The following ATAD2B variants were observed in gnomAD, a reference collection of about 807,000 sequenced individuals.
ATAD2B encodes ATPase family AAA domain-containing protein 2B.
Under a neutral mutation model 167.6 loss-of-function variants are expected in ATAD2B, and 40 were observed. The observed-to-expected ratio is 0.24, with a 90% CI of 0.19 to 0.31. The LOEUF (loss-of-function observed/expected upper bound fraction) is 0.31, where lower values mean the gene tolerates loss of function less well. Among genes scored for constraint, ATAD2B ranks in the 10% least tolerant of loss-of-function variants. The probability of loss-of-function intolerance (pLI) is 1.00; values close to 1 mark genes in which losing one functional copy is unlikely to be tolerated. For synonymous variants in ATAD2B, 579 were observed against 596.5 expected (o/e 0.97, Z 0.43); for missense variants, 1,242 against 1,757.2 (o/e 0.71, Z 5.24).
At chr2:23,733,825 T>C in the ATAD2B span, among the ~76,000 whole-genome samples, 6 of 152,214 alleles carry the variant, frequency 3.9e-5, no homozygotes, top group Admixed American at 3.3e-4. Context: ...TCCCGGCCTA[T>C]AGCATCTCTC....
intron 22 of ATAD2B, among the ~76,000 whole-genome samples, chr2:23,773,465 T>G (rs1678647917): frequency 6.6e-6 from 1 of 152,074 alleles, no homozygotes; most frequent in Non-Finnish European, 1.5e-5. Context: ...ATGGCTACAG[T>G]AAGCCATGAT....
At chr2:23,877,996 G>GA (rs111378669) in intron 7 of ATAD2B, among the ~76,000 whole-genome samples, 7,335 of 79,638 alleles carry the variant, frequency 0.092, 357 homozygotes, top group African/African-American at 0.14. Flanking sequence ...CTCCAGCCTG[G>GA]ATGACCCTAT....
At chr2:23,909,914 G>A (rs958788453) in intron 1 of ATAD2B, among the ~76,000 whole-genome samples, 1 of 151,700 alleles carries the variant, frequency 6.6e-6, no homozygotes. Flanking sequence ...CCAGGCTGGA[G>A]TGCAGTGGTA....
At chr2:23,736,703 G>C in the ATAD2B span, among the ~76,000 whole-genome samples, 1 of 152,192 alleles carries the variant, frequency 6.6e-6, no homozygotes, top group Non-Finnish European at 1.5e-5. Context: ...GTGCAAGACA[G>C]TGGGTGCAGC....
chr2:23,810,418 A>G lies in ATAD2B; in HGVS notation c.2352T>C (p.Ala784=), dbSNP rs1366015377. The G allele has an allele frequency of 1.2e-4, 196 of 1,613,958 alleles. No individual in the cohort carries two copies. Among genetic ancestry groups the G allele is most frequent in the Non-Finnish European group, 1.6e-4 (194 of 1,179,858 alleles). The change falls in exon 18 of 28, where the codon GCT becomes GCC. Residue 784 remains alanine (A), a synonymous_variant. Coordinates refer to ENST00000238789, the MANE Select transcript of ATAD2B (RefSeq NM_017552.4). ...ERGSGQTSHL[A]PALLHTLERF... ...TTTCTAGAGTGTGCAAAAGTGCTGGAGCAAGGTGAGAAGTTTGACCTGAGC... is the reference window on the plus strand; with the variant it reads ...TTTCTAGAGTGTGCAAAAGTGCTGGGGCAAGGTGAGAAGTTTGACCTGAGC...
chr2:23,801,900 GA>G (rs1683564740), intron 18 of ATAD2B, among the ~76,000 whole-genome samples: 3 of 151,988 alleles, frequency 2.0e-5, no homozygotes, highest in Non-Finnish European at 2.9e-5. Context: ...TTTTAGCCAT[GA>G]AATTAAAATG....
intron 11 of ATAD2B, 89 bp downstream of exon 11, chr2:23,864,720 T>C (rs1694895450): frequency 1.7e-6 from 1 of 589,596 alleles, no homozygotes; most frequent in Non-Finnish European, 2.8e-6. Context: ...TAAATATATA[T>C]CAAATATTTA....
intron 16 of ATAD2B, among the ~76,000 whole-genome samples, chr2:23,822,917 C>CA (rs33911389): frequency 0.48 from 32,125 of 66,482 alleles, 8,964 homozygotes; most frequent in East Asian, 0.79. Context: ...AACTCCATCT[C>CA]AAAAAAAAAA....
chr2:23,721,240 C>A, the ATAD2B span, among the ~76,000 whole-genome samples: 1 of 152,192 alleles, frequency 6.6e-6, no homozygotes, highest in African/African-American at 2.4e-5. Context: ...CCTCAGGTGC[C>A]CCACCCCATG....
chr2:23,744,151 T>G (rs998789200), downstream of ATAD2B, among the ~76,000 whole-genome samples: 2 of 152,216 alleles, frequency 1.3e-5, no homozygotes, highest in African/African-American at 4.8e-5. Context: ...CAGATATTAC[T>G]ATATTTTAAA....
intron 13 of ATAD2B, among the ~76,000 whole-genome samples, chr2:23,843,903 T>C (rs955507151): frequency 6.6e-6 from 1 of 152,088 alleles, no homozygotes; most frequent in Non-Finnish European, 1.5e-5. Context: ...AGTCCTACAC[T>C]CAGGGCTACT....
At position 23,757,449 on chromosome 2, in the gene ATAD2B, C is replaced by T; in HGVS notation, c.4047G>A (p.Val1349=). ...NNEKLEPGSD[V]EVKDAELDKE... is the part of the protein sequence containing the mutation. ...TATCCAGTTCTGCATCTTTAACCTC[C>T]ACATCAGAGCCAGGTTCTAACTTCT... The change falls in exon 25 of 28, where the codon GTG becomes GTA. Residue 1349 remains valine, a synonymous_variant. Transcript: ENST00000238789. 1 of 1,511,826 alleles carries T rather than the reference C, an allele frequency of 6.6e-7. No individual in the cohort carries two copies. The highest frequency in any genetic ancestry group is 8.8e-7 in the Non-Finnish European group (1 of 1,135,312). The allele number at this position is 1,511,826 out of a possible 1,614,324, so 93.7% of individuals were successfully genotyped here. A position where few individuals can be genotyped will look rare whatever the true frequency, so the allele number is the denominator to read the frequency against.
At chr2:23,788,276 G>A (rs1235344280) in intron 20 of ATAD2B, 1 of 460,516 alleles carries the variant, frequency 2.2e-6, no homozygotes, top group African/African-American at 1.9e-5. Context: ...ATCTACCACA[G>A]GATGTGGTTG....
the ATAD2B span, among the ~76,000 whole-genome samples, chr2:23,712,495 A>T: frequency 2.0e-5 from 3 of 152,032 alleles, no homozygotes; most frequent in African/African-American, 7.3e-5. Context: ...TGTGTGATGG[A>T]CTCTCAAGGA....
At chr2:23,752,185 T>C (rs1201142892) in intron 27 of ATAD2B, 98 bp from the exon 28 acceptor site, 1 of 851,962 alleles carries the variant, frequency 1.2e-6, no homozygotes, top group African/African-American at 1.7e-5. Flanking sequence ...GGAATGAATT[T>C]GAGATACAGG....
chr2:23,924,955 T>C (rs1340052830), intron 1 of ATAD2B, among the ~76,000 whole-genome samples: 1 of 152,220 alleles, frequency 6.6e-6, no homozygotes, highest in African/African-American at 2.4e-5. Context: ...TGAGTGAAGA[T>C]GAGCTAATTG....
intron 13 of ATAD2B, among the ~76,000 whole-genome samples, chr2:23,845,570 ATTTTTTTTT>A (rs71402518): frequency 3.4e-5 from 3 of 87,646 alleles, no homozygotes; most frequent in African/African-American, 9.8e-5. Context: ...GCATGCTGGA[ATTTTTTTTT>A]TTTTTTTTTT....
At chr2:23,760,170 T>G (rs1360838146) in intron 24 of ATAD2B, among the ~76,000 whole-genome samples, 1 of 152,172 alleles carries the variant, frequency 6.6e-6, no homozygotes, top group Non-Finnish European at 1.5e-5. Flanking sequence ...GGTCTTAATC[T>G]TTGGGAAGTA....
chr2:23,775,462 T>A (rs181823078), intron 22 of ATAD2B, among the ~76,000 whole-genome samples: 2 of 152,162 alleles, frequency 1.3e-5, no homozygotes, highest in Non-Finnish European at 2.9e-5. Flanking sequence ...TCCGCCCGCC[T>A]TGGCCTCTCA....
Sources: allele counts gnomAD v4.1 joint callset (sites outside exome capture counted in the v4.1 genomes callset), GRCh38; gene constraint gnomAD v4.1.1; transcripts MANE v1.5; gene names NCBI Gene and HGNC (gene_info 2026-07-23, HGNC 2026-07-21).